Variants in ARHGAP44 observed in about 807,000 individuals in gnomAD.
ARHGAP44 encodes the protein Rho GTPase activating protein 44, also known as rho GTPase-activating protein 44.
In ARHGAP44, 43 loss-of-function variants were observed where a neutral mutation model predicts 106.8. The ratio of observed to expected loss-of-function variants is 0.40; its 90% CI spans 0.32 to 0.52. The LOEUF (loss-of-function observed/expected upper bound fraction) is 0.52, where lower values mean the gene tolerates loss of function less well. Ranked by LOEUF, ARHGAP44 falls within the 20% of genes least tolerant of loss-of-function variation. The pLI is 0.48. For synonymous variants in ARHGAP44, 439 were observed against 410.3 expected, an observed-to-expected ratio of 1.07 and a Z score of -0.85; for missense variants, 866 against 1,050.5, an observed-to-expected ratio of 0.82 and a Z score of 2.43.
At chr17:12,975,765 T>G (rs1223742865) in intron 18 of ARHGAP44, among the ~76,000 whole-genome samples, 1 of 119,358 alleles carries the variant, frequency 8.4e-6, no homozygotes, top group Non-Finnish European at 1.6e-5. Context: ...GCCACTGCAC[T>G]CCAGCCTGGG....
chr17:12,799,252 T>C (rs1280774528), intron 1 of ARHGAP44, among the ~76,000 whole-genome samples: 1 of 152,200 alleles, frequency 6.6e-6, no homozygotes, highest in Non-Finnish European at 1.5e-5. Flanking sequence ...TGTGTTAGGA[T>C]AGGTTAAGCT....
intron 3 of ARHGAP44, among the ~76,000 whole-genome samples, chr17:12,903,136 AGAGAGTGTGTGTGTGTGTGT>A (rs2037440173): frequency 2.1e-3 from 246 of 118,454 alleles, no homozygotes; most frequent in African/African-American, 7.7e-3. Context: ...GGAGAGAGAG[AGAGAGTGTGTGTGTGTGTGT>A]GTGTGTGTGT....
intron 6 of ARHGAP44, among the ~76,000 whole-genome samples, chr17:12,924,935 TGTAA>T (rs948884841): frequency 1.3e-5 from 2 of 152,110 alleles, no homozygotes; most frequent in Admixed American, 6.5e-5. Context: ...AGTGAACTAG[TGTAA>T]GTAAGACAGG....
rs369102430 is a variant in ARHGAP44, at chr17:12,901,820, C to T, written c.198+5309C>T. ...GTACTGTAAATCCACGCACTTGCTC[C>T]TCTAAATCCCAGACACCATTCTTTA... On this transcript the variant is annotated intron_variant, in intron 3 of 20. Transcript: ENST00000379672. Among the ~76,000 whole-genome samples the T allele has an allele frequency of 1.7e-4, 26 of 152,278 alleles. 1 individual carries two copies. The highest frequency in any genetic ancestry group is 5.5e-4 in the African/African-American group (23 of 41,578).
At chr17:12,891,812 T>C (rs1428293149) in intron 1 of ARHGAP44, among the ~76,000 whole-genome samples, 1 of 151,256 alleles carries the variant, frequency 6.6e-6, no homozygotes, top group Admixed American at 6.6e-5. Flanking sequence ...TTTTTTTTTT[T>C]AGATGGAGTC....
intron 13 of ARHGAP44, among the ~76,000 whole-genome samples, chr17:12,954,522 G>C (rs1434824173): frequency 6.6e-6 from 1 of 152,196 alleles, no homozygotes; most frequent in Non-Finnish European, 1.5e-5. Context: ...GGCCAGGAGA[G>C]GCCGTGCGTG....
At chr17:12,950,711 A>G (rs1049843950) in intron 12 of ARHGAP44, among the ~76,000 whole-genome samples, 4 of 152,172 alleles carry the variant, frequency 2.6e-5, no homozygotes, top group Non-Finnish European at 5.9e-5. Context: ...GAGGGTAGAG[A>G]TAGTCTAGGT....
chr17:12,926,692 G>A (rs1364927757), intron 6 of ARHGAP44, among the ~76,000 whole-genome samples: 1 of 151,360 alleles, frequency 6.6e-6, no homozygotes. Context: ...TTGGGAAAAT[G>A]TCTTCATTTT....
At chr17:12,850,944 G>GGAC in intron 1 of ARHGAP44, among the ~76,000 whole-genome samples, 1 of 152,164 alleles carries the variant, frequency 6.6e-6, no homozygotes, top group Non-Finnish European at 1.5e-5. Context: ...TCACAGACCT[G>GGAC]GACTGTACTT....
At chr17:12,957,864 T>C (rs182660604) in intron 15 of ARHGAP44, among the ~76,000 whole-genome samples, 3 of 152,362 alleles carry the variant, frequency 2.0e-5, no homozygotes, top group East Asian at 1.9e-4. Context: ...AGGTTAGTAA[T>C]TCTATGCTCT....
In ARHGAP44 at chr17:12,919,858, C is replaced by T. The variant is rs190581279; in HGVS notation, c.464+27C>T. The T allele has an allele frequency of 6.8e-4, 1,088 of 1,593,758 alleles. 12 individuals carry two copies. The Admixed American group carries it at 0.017, about 26-fold the overall frequency. On this transcript the variant is annotated intron_variant, in intron 6 of 20. Coordinates refer to ENST00000379672, the MANE Select transcript of ARHGAP44 (RefSeq NM_014859.6). Reference sequence around the variant, plus strand: ...TAGAATCTCTTTACTTTCTTTTTTGCTTCTTTGAAGGGACAGTGATCATAT... The same window carrying T: ...TAGAATCTCTTTACTTTCTTTTTTGTTTCTTTGAAGGGACAGTGATCATAT...
chr17:12,948,582 AT>A (rs1289113673), intron 10 of ARHGAP44, among the ~76,000 whole-genome samples: 1 of 152,128 alleles, frequency 6.6e-6, no homozygotes, highest in Non-Finnish European at 1.5e-5. Flanking sequence ...GAACACGAGA[AT>A]TGCTTGAACC....
chr17:12,819,586 T>G (rs908297696), intron 1 of ARHGAP44, among the ~76,000 whole-genome samples: 2 of 151,882 alleles, frequency 1.3e-5, no homozygotes, highest in Non-Finnish European at 2.9e-5. Context: ...TGTCAAGTTT[T>G]TTTTTTTTTT....
chr17:12,894,439 T>A (rs1461822519), intron 1 of ARHGAP44, among the ~76,000 whole-genome samples: 1 of 152,220 alleles, frequency 6.6e-6, no homozygotes, highest in Non-Finnish European at 1.5e-5. Context: ...AGGTTCTTTC[T>A]CTAAATGTAG....
intron 6 of ARHGAP44, among the ~76,000 whole-genome samples, chr17:12,927,214 G>A (rs1048583294): frequency 6.6e-6 from 1 of 152,114 alleles, no homozygotes; most frequent in African/African-American, 2.4e-5. Flanking sequence ...CTTCAAGCCA[G>A]CTTGATGTCT....
chr17:12,802,392 G>A (rs911835768), intron 1 of ARHGAP44, among the ~76,000 whole-genome samples: 1 of 152,166 alleles, frequency 6.6e-6, no homozygotes, highest in African/African-American at 2.4e-5. Context: ...GGACAGTGTC[G>A]TCAGAGGCCA....
In ARHGAP44 at chr17:12,924,437, A is replaced by G. The variant is rs188399307; in HGVS notation, c.465-4492A>G. On this transcript the variant is annotated intron_variant, in intron 6 of 20. Coordinates refer to ENST00000379672, the MANE Select transcript of ARHGAP44 (RefSeq NM_014859.6). Reference sequence around the variant, plus strand: ...TTGGTTTAGCAGTGCTTAAAGAAGGAGCCTAATTTTTCTCCAAAGTCAGCC... The same window carrying G: ...TTGGTTTAGCAGTGCTTAAAGAAGGGGCCTAATTTTTCTCCAAAGTCAGCC... 1.6e-3 allele frequency among the ~76,000 whole-genome samples: 251 copies of G among 152,262 alleles called. 1 individual carries two copies. Among genetic ancestry groups the G allele is most frequent in the Admixed American group, 3.7e-3 (56 of 15,304 alleles).
intron 1 of ARHGAP44, among the ~76,000 whole-genome samples, chr17:12,851,454 T>C (rs1348412238): frequency 6.6e-6 from 1 of 152,124 alleles, no homozygotes; most frequent in Non-Finnish European, 1.5e-5. Flanking sequence ...TGGGCCATTA[T>C]CTTTACTTTC....
At chr17:12,816,490 T>C (rs1468559815) in intron 1 of ARHGAP44, among the ~76,000 whole-genome samples, 2 of 151,742 alleles carry the variant, frequency 1.3e-5, no homozygotes, top group East Asian at 3.9e-4. Context: ...GGAAAGGAGC[T>C]TTAAGCTGTC....
Sources: allele counts gnomAD v4.1 joint callset (sites outside exome capture counted in the v4.1 genomes callset), GRCh38; gene constraint gnomAD v4.1.1; transcripts MANE v1.5; gene names NCBI Gene and HGNC (gene_info 2026-07-23, HGNC 2026-07-21).